AAMDC: variants seen among roughly 807,000 people sequenced by gnomAD.
The protein encoded by AAMDC is mth938 domain-containing protein.
Under a neutral mutation model 15.5 loss-of-function variants are expected in AAMDC, and 16 were observed. That is an observed-to-expected ratio of 1.03 (90% CI 0.70 to 1.57). The LOEUF (loss-of-function observed/expected upper bound fraction) is 1.57, where lower values mean the gene tolerates loss of function less well. AAMDC is among the 40% of genes most tolerant of loss of function. The pLI is 0.00. For missense variants in AAMDC, 141 were observed against 144.9 expected (o/e 0.97, Z 0.14); for synonymous variants, 51 against 51.6 (o/e 0.99, Z 0.05).
intron 5 of AAMDC, among the ~76,000 whole-genome samples, chr11:77,899,669 TAAAAGAAAAAA>T (rs1952692658): frequency 6.7e-6 from 1 of 149,398 alleles, no homozygotes. Flanking sequence ...AGACTTTGTC[TAAAAGAAAAAA>T]AAAAGAAAAA....
At chr11:77,829,351 G>T (rs1949317879) in intron 1 of AAMDC, among the ~76,000 whole-genome samples, 1 of 152,122 alleles carries the variant, frequency 6.6e-6, no homozygotes, top group South Asian at 2.1e-4. Flanking sequence ...ATAAATTTTT[G>T]TTGTTTAAGT....
chr11:77,844,916 A>G (rs1269377435), intron 2 of AAMDC, among the ~76,000 whole-genome samples: 1 of 152,174 alleles, frequency 6.6e-6, no homozygotes, highest in Non-Finnish European at 1.5e-5. Flanking sequence ...TTCTTTCAGC[A>G]CTTTCAATAT....
intron 2 of AAMDC, among the ~76,000 whole-genome samples, chr11:77,843,575 A>G (rs1950022560): frequency 6.6e-6 from 1 of 152,116 alleles, no homozygotes; most frequent in Admixed American, 6.6e-5. Context: ...TCCACTGTAC[A>G]TGTGCACAGA....
At chr11:77,867,757 C>T (rs1272149114) in intron 2 of AAMDC, among the ~76,000 whole-genome samples, 1 of 152,166 alleles carries the variant, frequency 6.6e-6, no homozygotes, top group Non-Finnish European at 1.5e-5. Context: ...AAGAAGCTAC[C>T]ATCCTTTAAT....
chr11:77,878,101 A>G (rs984658397), intron 5 of AAMDC, among the ~76,000 whole-genome samples: 38 of 152,160 alleles, frequency 2.5e-4, no homozygotes, highest in African/African-American at 8.2e-4. Flanking sequence ...GGTTGCTCAC[A>G]CTTGTAATCC....
intron 3 of AAMDC, among the ~76,000 whole-genome samples, chr11:77,870,543 T>A (rs1951379940): frequency 6.6e-6 from 1 of 151,956 alleles, no homozygotes; most frequent in African/African-American, 2.4e-5. Flanking sequence ...TTCACCGTGT[T>A]AGCCAGGATG....
chr11:77,905,999 A>T (rs968053250), intron 3 of AAMDC, among the ~76,000 whole-genome samples: 3 of 152,226 alleles, frequency 2.0e-5, no homozygotes, highest in Non-Finnish European at 4.4e-5. Flanking sequence ...TATGTTTCTC[A>T]AATAAATTCC....
intron 1 of AAMDC, among the ~76,000 whole-genome samples, chr11:77,840,798 G>T (rs1949898546): frequency 6.6e-6 from 1 of 152,072 alleles, no homozygotes; most frequent in African/African-American, 2.4e-5. Flanking sequence ...TGACATTTTA[G>T]ATAACATATT....
chr11:77,840,539 A>G (rs1353684756), intron 1 of AAMDC, among the ~76,000 whole-genome samples: 1 of 152,214 alleles, frequency 6.6e-6, no homozygotes, highest in Non-Finnish European at 1.5e-5. Flanking sequence ...AAAAGAAAAA[A>G]AAGTGTTTAA....
At chr11:77,877,683 G>A (rs1241194182) in intron 5 of AAMDC, among the ~76,000 whole-genome samples, 5 of 152,176 alleles carry the variant, frequency 3.3e-5, no homozygotes, top group African/African-American at 4.8e-5. Flanking sequence ...GACAGGTAAA[G>A]TACATAGCAC....
At chr11:77,903,075 G>A (rs1247915520), downstream of AAMDC, among the ~76,000 whole-genome samples, 5 of 152,314 alleles carry the variant, frequency 3.3e-5, no homozygotes, top group Non-Finnish European at 4.4e-5. Context: ...CGGCCCAACT[G>A]CCACATTTTA....
chr11:77,829,406 A>G (rs1949321035), intron 1 of AAMDC, among the ~76,000 whole-genome samples: 1 of 152,256 alleles, frequency 6.6e-6, no homozygotes, highest in Non-Finnish European at 1.5e-5. Flanking sequence ...TGAATAACAA[A>G]TAGCCATTTG....
At chr11:77,877,032 T>C (rs1951615699), downstream of AAMDC, 1 of 702,958 alleles carries the variant, frequency 1.4e-6, no homozygotes, top group African/African-American at 1.7e-5. Context: ...TGGCACATCC[T>C]TGAGAGATGC....
rs745900673 is a variant in AAMDC, at chr11:77,891,411, G to C, written c.329-9160G>C. On this transcript the variant is annotated intron_variant, in intron 5 of 5. Transcript: ENST00000304716. Reference sequence around the variant, plus strand: ...ACCAACCCAGAGGTAAACCGCAAAGGGTTGTCTGACTCGCCCGCTGGCTCG... The same window carrying C: ...ACCAACCCAGAGGTAAACCGCAAAGCGTTGTCTGACTCGCCCGCTGGCTCG... 32 of 1,613,362 alleles carry C rather than the reference G, an allele frequency of 2.0e-5. No individual in the cohort carries two copies. The South Asian group carries it at 2.3e-4, about 12-fold the overall frequency.
downstream of AAMDC, among the ~76,000 whole-genome samples, chr11:77,873,219 A>G (rs991970105): frequency 6.6e-6 from 1 of 152,166 alleles, no homozygotes; most frequent in Non-Finnish European, 1.5e-5. Flanking sequence ...CTAATTTCTT[A>G]GTTTCACTGT....
chr11:77,903,749 T>C (rs1952852510), downstream of AAMDC: 1 of 671,742 alleles, frequency 1.5e-6, no homozygotes, highest in South Asian at 1.9e-5. Flanking sequence ...TCTTATTCTT[T>C]TAACCCAATA....
chr11:77,821,564 T>C (rs983727626), intron 1 of AAMDC, among the ~76,000 whole-genome samples: 9 of 151,948 alleles, frequency 5.9e-5, no homozygotes, highest in African/African-American at 2.2e-4. Context: ...GAAGAGGATC[T>C]GAGGAGACCA....
chr11:77,883,094 A>AATAATG, intron 5 of AAMDC, among the ~76,000 whole-genome samples: 1 of 151,652 alleles, frequency 6.6e-6, no homozygotes, highest in South Asian at 2.1e-4. Flanking sequence ...TAATAATAAT[A>AATAATG]ATAATAGCCT....
At chr11:77,837,180 G>C (rs1199738306) in intron 1 of AAMDC, among the ~76,000 whole-genome samples, 1 of 152,110 alleles carries the variant, frequency 6.6e-6, no homozygotes, top group Non-Finnish European at 1.5e-5. Flanking sequence ...CTGTCACCCA[G>C]GCTGGAGTGC....
Sources: gnomAD v4.1 joint callset for allele counts (sites outside exome capture counted in the v4.1 genomes callset) on GRCh38, gnomAD v4.1.1 for gene constraint, MANE v1.5 for transcripts, NCBI Gene and HGNC (gene_info 2026-07-23, HGNC 2026-07-21) for gene names.